The following SPATC1 variants were observed in gnomAD, a reference collection of about 807,000 sequenced individuals.
The protein encoded by SPATC1 is spermatogenesis and centriole associated 1.
SPATC1 carries 35 observed loss-of-function variants against 36.5 expected under a neutral mutation model. That is an observed-to-expected ratio of 0.96 (90% CI 0.73 to 1.27). The LOEUF (loss-of-function observed/expected upper bound fraction) is 1.27. Ranked by LOEUF, SPATC1 falls within the 50% of genes most tolerant of loss-of-function variation. SPATC1 has a pLI of 0.00. For synonymous variants in SPATC1, 361 were observed against 353.6 expected (o/e 1.02, Z -0.24); for missense variants, 779 against 796.0 (o/e 0.98, Z 0.26).
At chr8:144,018,089 T>A (rs1312714168) in intron 1 of SPATC1, among the ~76,000 whole-genome samples, 1 of 150,972 alleles carries the variant, frequency 6.6e-6, no homozygotes, top group Non-Finnish European at 1.5e-5. Context: ...GGTAGAGGAG[T>A]TGACAAAGGA....
chr8:144,036,829 A>G (rs1437766260), intron 1 of SPATC1, among the ~76,000 whole-genome samples: 3 of 151,928 alleles, frequency 2.0e-5, no homozygotes, highest in Admixed American at 6.6e-5. Context: ...TCATCAGGGA[A>G]CACGGGAATC....
rs544547845 is a variant in SPATC1, at chr8:144,037,680, A to G, written c.212-2229A>G. ...GGACACAAACACTGTGGAAGGCCGCAGGGTCCTCTGCCTAGGAAAACCAGA... is the reference window on the plus strand; with the variant it reads ...GGACACAAACACTGTGGAAGGCCGCGGGGTCCTCTGCCTAGGAAAACCAGA... On this transcript the variant is annotated intron_variant, in intron 1 of 4. Coordinates refer to ENST00000377470, the MANE Select transcript of SPATC1 (RefSeq NM_198572.3). 5.2e-3 allele frequency among the ~76,000 whole-genome samples: 782 copies of G among 151,840 alleles called. 5 individuals carry two copies. The highest frequency in any genetic ancestry group is 0.018 in the African/African-American group (748 of 41,194).
At chr8:144,024,261 A>C (rs1382853915) in intron 1 of SPATC1, among the ~76,000 whole-genome samples, 1 of 122,334 alleles carries the variant, frequency 8.2e-6, no homozygotes. Flanking sequence ...CTCATGACCT[A>C]CTCACTCCCC....
chr8:144,043,728 C>T (rs1835179728), intron 4 of SPATC1, among the ~76,000 whole-genome samples: 1 of 148,774 alleles, frequency 6.7e-6, no homozygotes, highest in Non-Finnish European at 1.5e-5. Context: ...TATTTTGATA[C>T]CAGCAACTTT....
chr8:144,028,789 G>A (rs1834735418), intron 1 of SPATC1, among the ~76,000 whole-genome samples: 1 of 152,146 alleles, frequency 6.6e-6, no homozygotes. Flanking sequence ...CAATAGCAGA[G>A]ACATGCAATC....
chr8:144,035,825 C>T (rs1834887578), intron 1 of SPATC1, among the ~76,000 whole-genome samples: 1 of 152,222 alleles, frequency 6.6e-6, no homozygotes, highest in African/African-American at 2.4e-5. Context: ...GGACAGTGGC[C>T]CCTGACTGCC....
At position 144,016,261 on chromosome 8, in the gene SPATC1, A is replaced by G. The variant is rs976391031; in HGVS notation, c.211+3535A>G. On this transcript the variant is annotated intron_variant, in intron 1 of 4. Coordinates refer to ENST00000377470, the MANE Select transcript of SPATC1 (RefSeq NM_198572.3). The surrounding 1 kb of genome is among the most constrained non-coding windows in gnomAD (Gnocchi z 4.5). ...ACAAGAGCAAGACTTCATCTCAAAA[A>G]AACAGTGCATGTGTGTGTGAGAGGA... 6.6e-6 allele frequency among the ~76,000 whole-genome samples: 1 copy of G among 152,026 alleles called. No individual in the cohort carries two copies. Among genetic ancestry groups the G allele is most frequent in the Non-Finnish European group, 1.5e-5 (1 of 67,998 alleles).
In SPATC1 at chr8:144,042,303, ATATATATATTTTT is replaced by A. The variant is rs1234158099; in HGVS notation, c.1446+934_1446+946del. Among the ~76,000 whole-genome samples the A allele has an allele frequency of 1.6e-3, 94 of 57,128 alleles. 1 individual carries two copies. The highest frequency in any genetic ancestry group is 9.8e-3 in the African/African-American group (88 of 8,956). 37.5% of individuals were successfully genotyped at this position (57,128 alleles called of 152,430 possible). The stretch of plus-strand genomic sequence containing the variant: ...CCAGCTAATATATATATATATATAT[ATATATATATTTTT>A]TTTTTTTTTTTTTTTTTTTTGAGTT... On this transcript the variant is annotated intron_variant, in intron 4 of 4. Transcript: ENST00000377470.
At chr8:144,044,402 C>T (rs56316167) in intron 4 of SPATC1, among the ~76,000 whole-genome samples, 83,968 of 150,318 alleles carry the variant, frequency 0.56, 26,836 homozygotes, top group African/African-American at 0.88. Flanking sequence ...CACGGGTTCA[C>T]GCCATTCTCC....
chr8:144,029,770 A>C (rs940786200), intron 1 of SPATC1, among the ~76,000 whole-genome samples: 32 of 152,302 alleles, frequency 2.1e-4, no homozygotes, highest in African/African-American at 7.2e-4. Flanking sequence ...AGAATAATGT[A>C]TATTCTACTG....
In SPATC1 at chr8:144,040,126, T is replaced by C. The variant is rs1554755473; in HGVS notation, c.429T>C (p.Ser143=). The change falls in exon 2 of 5, where the codon AGT becomes AGC. Residue 143 remains serine (S), a synonymous_variant. Transcript: ENST00000377470. ...GCCCCCTCACCAGCTTCCTGACCAG[T>C]CCCATTGCGGGACCCCTAACAGGCA... ...QSSPLTSFLT[S]PIAGPLTGTL... The C allele has an allele frequency of 6.2e-7, 1 of 1,609,658 alleles. No homozygotes were observed. The highest frequency in any genetic ancestry group is 8.5e-7 in the Non-Finnish European group (1 of 1,179,184).
rs368702829 is a variant in SPATC1 at position 144,041,263 on chromosome 8, G to A, written c.1338G>A (p.Val446=). 10 of 1,612,986 alleles carry A rather than the reference G, an allele frequency of 6.2e-6. No individual in the cohort carries two copies. In the African/African-American group the frequency reaches 1.2e-4, roughly 19 times the overall value. ...ESKQLAWERL[V]GEIAFQLDRR... ...AGCAGCTGGCCTGGGAGAGGCTGGT[G>A]GGTGAGATTGCCTTCCAGCTGGACC... Residue 446 remains valine (V), a synonymous_variant, in exon 4 of 5, where the codon GTG becomes GTA. Transcript: ENST00000377470.
chr8:144,038,835 G>T (rs1834983811), intron 1 of SPATC1, among the ~76,000 whole-genome samples: 2 of 152,242 alleles, frequency 1.3e-5, no homozygotes, highest in South Asian at 4.1e-4. Flanking sequence ...TCACCTCCGG[G>T]TTGCCCGTGG....
At chr8:144,018,883 A>AG in intron 1 of SPATC1, among the ~76,000 whole-genome samples, 1 of 148,160 alleles carries the variant, frequency 6.7e-6, no homozygotes, top group African/African-American at 2.5e-5. Flanking sequence ...AATACAAAAA[A>AG]AAAAAAAAAA....
At chr8:144,036,784 A>T (rs1169431383) in intron 1 of SPATC1, among the ~76,000 whole-genome samples, 2 of 152,074 alleles carry the variant, frequency 1.3e-5, no homozygotes, top group Non-Finnish European at 2.9e-5. Context: ...CCAGGAAAAA[A>T]ATCAATCATC....
intron 1 of SPATC1, among the ~76,000 whole-genome samples, chr8:144,020,241 C>T (rs1834480262): frequency 6.6e-6 from 1 of 150,606 alleles, no homozygotes; most frequent in South Asian, 2.1e-4. Flanking sequence ...TCTCTCAGGA[C>T]ACTCTTCCCT....
intron 1 of SPATC1, among the ~76,000 whole-genome samples, chr8:144,031,711 T>C (rs1326605755): frequency 6.6e-6 from 1 of 150,554 alleles, no homozygotes; most frequent in Non-Finnish European, 1.5e-5. Flanking sequence ...TTTTCTTTTT[T>C]TTTCTTTCTT....
At chr8:144,027,387 G>A (rs1041773653) in intron 1 of SPATC1, among the ~76,000 whole-genome samples, 2 of 152,248 alleles carry the variant, frequency 1.3e-5, no homozygotes, top group African/African-American at 4.8e-5. Context: ...TTCTCCAATT[G>A]TTTGGGTTGT....
In SPATC1 at chr8:144,040,829, C is replaced by T. The variant is rs781866593; in HGVS notation, c.1028C>T (p.Pro343Leu). 2 of 1,567,472 alleles carry T rather than the reference C, an allele frequency of 1.3e-6. No individual in the cohort carries two copies. The highest frequency in any genetic ancestry group is 1.7e-6 in the Non-Finnish European group (2 of 1,156,894). ...TVLASAPALA[P>L]QVATSYTPSS... is the part of the protein sequence containing the mutation. ...CTTGCCTCTGCCCCCGCCCTTGCCC[C>T]CCAGGTTGCCACCAGCTACACACCC... The change falls in exon 3 of 5, where the codon CCC becomes CTC. Residue 343 changes from proline to leucine, a missense_variant. Coordinates refer to ENST00000377470, the MANE Select transcript of SPATC1 (RefSeq NM_198572.3).
Sources: gnomAD v4.1 joint callset for allele counts (sites outside exome capture counted in the v4.1 genomes callset) on GRCh38, gnomAD v4.1.1 for gene constraint, Gnocchi (gnomAD v3.1) non-coding constraint, MANE v1.5 for transcripts, NCBI Gene and HGNC (gene_info 2026-07-23, HGNC 2026-07-21) for gene names.